The following KCNQ1 variants were observed in gnomAD, a reference collection of about 807,000 sequenced individuals.
KCNQ1 encodes potassium voltage-gated channel subfamily KQT member 1.
KCNQ1 carries 49 observed loss-of-function variants against 72.4 expected under a neutral mutation model. The observed-to-expected ratio is 0.68, with a 90% CI of 0.54 to 0.86. The LOEUF (loss-of-function observed/expected upper bound fraction) is 0.86. KCNQ1 is among the 40% of genes least tolerant of loss of function. KCNQ1 has a pLI of 0.00. For synonymous variants in KCNQ1, 450 were observed against 412.6 expected (o/e 1.09, Z -1.10); for missense variants, 790 against 945.1 (o/e 0.84, Z 2.15).
intron 11 of KCNQ1, chr11:2,688,115 G>A (rs1850523071): frequency 7.5e-6 from 3 of 398,810 alleles, no homozygotes; most frequent in Non-Finnish European, 1.3e-5. Context: ...ACCTGGTGGG[G>A]GTGGGGATAC....
rs1407463953 is a variant in KCNQ1, at chr11:2,536,314, G to A, written c.477+8296G>A. Among the ~76,000 whole-genome samples, 1 of 152,210 alleles carries A rather than the reference G, an allele frequency of 6.6e-6. No individual in the cohort carries two copies. Among genetic ancestry groups the A allele is most frequent in the Non-Finnish European group, 1.5e-5 (1 of 68,038 alleles). ...TGGTGATAAACACACCATCCGCACT[G>A]CCTGCGGCTCTTACAGGAGTCTCTC... is the stretch of plus-strand genomic sequence containing the variant. On this transcript the variant is annotated intron_variant, in intron 2 of 15. Coordinates refer to ENST00000155840, the MANE Select transcript of KCNQ1 (RefSeq NM_000218.3). This position sits in a 1 kb window ranked among gnomAD's most constrained non-coding sequence, Gnocchi z 7.4.
At chr11:2,706,824 A>G (rs1850918836) in intron 11 of KCNQ1, among the ~76,000 whole-genome samples, 1 of 151,656 alleles carries the variant, frequency 6.6e-6, no homozygotes, top group Admixed American at 6.6e-5. Context: ...CGTGAGAACC[A>G]CTCCCCGGTG....
rs558320694 is a variant in KCNQ1, at chr11:2,828,038, C to A, written c.1795-19729C>A. Among the ~76,000 whole-genome samples the A allele has an allele frequency of 1.3e-4, 20 of 152,266 alleles. No individual in the cohort carries two copies. Among genetic ancestry groups the A allele is most frequent in the African/African-American group, 4.8e-4 (20 of 41,534 alleles). Reference sequence around the variant, plus strand: ...GAGGCCAGCAACAGAGGGAACACTACCTGCAAAGGGGCGAGGGCAGGACAA... The same window carrying A: ...GAGGCCAGCAACAGAGGGAACACTAACTGCAAAGGGGCGAGGGCAGGACAA... On this transcript the variant is annotated intron_variant, in intron 15 of 15. Transcript: ENST00000155840. This position sits in a 1 kb window ranked among gnomAD's most constrained non-coding sequence, Gnocchi z 5.3.
chr11:2,610,107 C>A, intron 10 of KCNQ1: 1 of 397,634 alleles, frequency 2.5e-6, no homozygotes, highest in Non-Finnish European at 4.4e-6. Flanking sequence ...TTGCTGCTTT[C>A]TTTTCCATCT....
At chr11:2,795,252 C>T (rs1224860935) in intron 15 of KCNQ1, among the ~76,000 whole-genome samples, 1 of 152,234 alleles carries the variant, frequency 6.6e-6, no homozygotes, top group Non-Finnish European at 1.5e-5. Context: ...GCCTTCGCCT[C>T]GGGCTGGAGC....
chr11:2,521,504 C>T (rs770840284), intron 1 of KCNQ1: 9 of 470,398 alleles, frequency 1.9e-5, no homozygotes, highest in South Asian at 4.6e-5. Context: ...CATACGGTCA[C>T]GAGAGTGCAA....
At chr11:2,693,370 C>G in intron 11 of KCNQ1, 1 of 398,766 alleles carries the variant, frequency 2.5e-6, no homozygotes, top group Non-Finnish European at 4.4e-6. Context: ...CCGAGTCTGG[C>G]CAAGCAGCAG....
At chr11:2,619,558 T>C (rs1849128682) in intron 10 of KCNQ1, 1 of 398,462 alleles carries the variant, frequency 2.5e-6, no homozygotes, top group Non-Finnish European at 4.4e-6. Flanking sequence ...ATTGTTAAAT[T>C]TAGTCTGCCA....
rs1179272435 is a variant in KCNQ1, at chr11:2,588,678, C to T, written c.1252-35C>T. ...GGCGTAGGGCCTGGCAGACGATGTC[C>T]AGGAACCGCTAATCTGTTGTCTTGT... On this transcript the variant is annotated intron_variant, in intron 9 of 15. Transcript: ENST00000155840. The surrounding 1 kb of genome is among the most constrained non-coding windows in gnomAD (Gnocchi z 5.6). 4 of 1,611,728 alleles carry T rather than the reference C, an allele frequency of 2.5e-6. No individual in the cohort carries two copies. The Admixed American group carries it at 5.0e-5, about 20-fold the overall frequency.
chr11:2,529,221 G>A (rs1320246341), intron 2 of KCNQ1, among the ~76,000 whole-genome samples: 1 of 152,202 alleles, frequency 6.6e-6, no homozygotes, highest in Admixed American at 6.5e-5. Flanking sequence ...CTGTCCCACT[G>A]GTCTCCTGGA....
At chr11:2,660,633 A>G (rs759219871) in intron 10 of KCNQ1, 2 of 398,644 alleles carry the variant, frequency 5.0e-6, no homozygotes, top group Non-Finnish European at 8.8e-6. Context: ...GGTATTCAAC[A>G]CAGATGGAAA....
chr11:2,676,323 A>G lies in KCNQ1; in HGVS notation c.1514+14242A>G. On this transcript the variant is annotated intron_variant, in intron 11 of 15. Coordinates refer to ENST00000155840, the MANE Select transcript of KCNQ1 (RefSeq NM_000218.3). The surrounding 1 kb of genome is among the most constrained non-coding windows in gnomAD (Gnocchi z 4.2). The stretch of plus-strand genomic sequence containing the variant: ...GTGTGAACAGGTGATGGCTCTGAAC[A>G]GTGTAGTTGAAGTGCTGTTTTCTCA... 2.5e-6 allele frequency: 1 copy of G among 398,656 alleles called. No homozygotes were observed. Among genetic ancestry groups the G allele is most frequent in the Non-Finnish European group, 4.4e-6 (1 of 226,074 alleles). The allele number at this position is 398,656 out of a possible 1,614,324, so 24.7% of individuals were successfully genotyped here.
chr11:2,778,153 A>G (rs1590083175), intron 15 of KCNQ1, 116 bp downstream of exon 15: 2 of 1,010,834 alleles, frequency 2.0e-6, no homozygotes, highest in Non-Finnish European at 1.5e-6. Flanking sequence ...CCTTCCCGCC[A>G]GTGCCTACTG....
In KCNQ1 at chr11:2,477,384, G is replaced by T. The variant is rs186591252; in HGVS notation, c.386+31900G>T. Among the ~76,000 whole-genome samples, 181 of 152,300 alleles carry T rather than the reference G, an allele frequency of 1.2e-3. No homozygotes were observed. Among genetic ancestry groups the T allele is most frequent in the Middle Eastern group, 6.8e-3 (2 of 294 alleles). On this transcript the variant is annotated intron_variant, in intron 1 of 15. Coordinates refer to ENST00000155840, the MANE Select transcript of KCNQ1 (RefSeq NM_000218.3). This position sits in a 1 kb window ranked among gnomAD's most constrained non-coding sequence, Gnocchi z 5.0. ...AAAGCCTCCAGCCCACGGTGACCTA[G>T]GTTCTTCCCACCATTGAATTAGGAT...
chr11:2,570,324 G>A (rs1053911755), intron 2 of KCNQ1, among the ~76,000 whole-genome samples: 6 of 152,230 alleles, frequency 3.9e-5, no homozygotes, highest in Admixed American at 2.6e-4. Flanking sequence ...TCCTGGTGTG[G>A]GGCCCCCTCT....
chr11:2,465,553 C>T (rs1589894910), intron 1 of KCNQ1, among the ~76,000 whole-genome samples: 1 of 151,914 alleles, frequency 6.6e-6, no homozygotes, highest in Admixed American at 6.5e-5. Context: ...ACAGCTTGTG[C>T]GTAGCAGAGC....
chr11:2,808,698 C>A lies in KCNQ1; in HGVS notation c.1794+30661C>A, dbSNP rs1439370146. ...AAGGTAAATACCTTCATGACCATGC[C>A]CCCTTTCCCTAGGATACCCCTTGTT... On this transcript the variant is annotated intron_variant, in intron 15 of 15. Coordinates refer to ENST00000155840, the MANE Select transcript of KCNQ1 (RefSeq NM_000218.3). The surrounding 1 kb of genome is among the most constrained non-coding windows in gnomAD (Gnocchi z 6.0). Among the ~76,000 whole-genome samples, 1 of 152,034 alleles carries A rather than the reference C, an allele frequency of 6.6e-6. No individual in the cohort carries two copies. The highest frequency in any genetic ancestry group is 1.5e-5 in the Non-Finnish European group (1 of 68,014).
In KCNQ1 at chr11:2,781,973, G is replaced by C. The variant is rs1161126003; in HGVS notation, c.1794+3936G>C. Among the ~76,000 whole-genome samples, 2 of 152,090 alleles carry C rather than the reference G, an allele frequency of 1.3e-5. No individual in the cohort carries two copies. Among genetic ancestry groups the C allele is most frequent in the Non-Finnish European group, 2.9e-5 (2 of 68,006 alleles). ...ACTCCCAAAACCACACCCTGCCCAT[G>C]CCTTTACCAAGCTTCGTGCATGACC... On this transcript the variant is annotated intron_variant, in intron 15 of 15. Coordinates refer to ENST00000155840, the MANE Select transcript of KCNQ1 (RefSeq NM_000218.3). This position sits in a 1 kb window ranked among gnomAD's most constrained non-coding sequence, Gnocchi z 6.6.
chr11:2,718,328 C>A (rs905036430), intron 11 of KCNQ1, among the ~76,000 whole-genome samples: 3 of 152,240 alleles, frequency 2.0e-5, no homozygotes, highest in Non-Finnish European at 4.4e-5. Flanking sequence ...TAGCCCCAGA[C>A]TGGCTTCCCT....
Sources: allele counts gnomAD v4.1 joint callset (sites outside exome capture counted in the v4.1 genomes callset), GRCh38; gene constraint gnomAD v4.1.1; non-coding constraint Gnocchi (gnomAD v3.1); transcripts MANE v1.5; gene names NCBI Gene and HGNC (gene_info 2026-07-23, HGNC 2026-07-21).